The following NDUFAF2 variants were observed in gnomAD, a reference collection of about 807,000 sequenced individuals.
NDUFAF2 encodes NADH dehydrogenase [ubiquinone] 1 alpha subcomplex assembly factor 2.
NDUFAF2 carries 13 observed loss-of-function variants against 22.8 expected under a neutral mutation model. The ratio of observed to expected loss-of-function variants is 0.57; its 90% CI spans 0.37 to 0.91. The LOEUF is 0.91. Ranked by LOEUF, NDUFAF2 falls within the 40% of genes least tolerant of loss-of-function variation. The probability of loss-of-function intolerance (pLI) is 0.01; values close to 1 mark genes in which losing one functional copy is unlikely to be tolerated. For synonymous variants in NDUFAF2, 53 were observed against 64.2 expected, an observed-to-expected ratio of 0.83 and a Z score of 0.84; for missense variants, 162 against 195.2, an observed-to-expected ratio of 0.83 and a Z score of 1.01.
chr5:61,131,689 T>C (rs944203740), intron 3 of NDUFAF2, among the ~76,000 whole-genome samples: 2 of 152,098 alleles, frequency 1.3e-5, no homozygotes, highest in Non-Finnish European at 2.9e-5. Flanking sequence ...ACAAAAAAGA[T>C]GTCTGAAAAA....
chr5:61,072,347 T>C (rs981431984), intron 1 of NDUFAF2, among the ~76,000 whole-genome samples: 4 of 152,328 alleles, frequency 2.6e-5, no homozygotes, highest in South Asian at 4.1e-4. Context: ...CCCTTGGGTT[T>C]GCCAGTGTAT....
intron 1 of NDUFAF2, among the ~76,000 whole-genome samples, chr5:60,994,031 G>A (rs1751195639): frequency 6.6e-6 from 1 of 152,252 alleles, no homozygotes; most frequent in African/African-American, 2.4e-5. Context: ...GCAGGCCAGT[G>A]CTGAGCTGCC....
intron 3 of NDUFAF2, 65 bp downstream of exon 3, chr5:61,099,097 A>G: frequency 1.8e-6 from 2 of 1,108,410 alleles, no homozygotes; most frequent in East Asian, 2.5e-5. Context: ...GAAGCTTCAG[A>G]AAAACTATGA....
chr5:61,146,360 C>T (rs916078765), intron 3 of NDUFAF2: 3 of 152,108 alleles, frequency 2.0e-5, no homozygotes, highest in Non-Finnish European at 4.4e-5. Flanking sequence ...GCAATGAAGT[C>T]CTTCATTCTG....
intron 1 of NDUFAF2, among the ~76,000 whole-genome samples, chr5:61,029,209 A>G (rs1170953893): frequency 6.6e-6 from 1 of 152,148 alleles, no homozygotes; most frequent in African/African-American, 2.4e-5. Flanking sequence ...TAGGCTATAC[A>G]TGTATGGGGG....
At chr5:60,985,179 C>T (rs557464486) in intron 1 of NDUFAF2, among the ~76,000 whole-genome samples, 66 of 152,272 alleles carry the variant, frequency 4.3e-4, no homozygotes, top group African/African-American at 1.5e-3. Flanking sequence ...AGTTTATTTT[C>T]GTAGAGGTGT....
intron 3 of NDUFAF2, among the ~76,000 whole-genome samples, chr5:61,129,554 ACAC>A (rs1753082191): frequency 6.6e-6 from 1 of 151,106 alleles, no homozygotes. Context: ...AAAAAACCAA[ACAC>A]CACATGTTCT....
At chr5:60,994,369 C>T (rs1449099059) in intron 1 of NDUFAF2, among the ~76,000 whole-genome samples, 3 of 152,156 alleles carry the variant, frequency 2.0e-5, no homozygotes, top group African/African-American at 7.2e-5. Context: ...GTGGGAGGCC[C>T]GGGTCCACAG....
Position 60,984,007 on chromosome 5 carries a change from C to T in NDUFAF2, c.127+38625C>T, listed in dbSNP as rs1257093604. ...ACCTTGGGCAGTATGGCCATTTTCACGATACTGATTCTTCCTACCCATGAG... is the reference window on the plus strand; with the variant it reads ...ACCTTGGGCAGTATGGCCATTTTCATGATACTGATTCTTCCTACCCATGAG... On this transcript the variant is annotated intron_variant, in intron 1 of 3. Coordinates refer to ENST00000296597, the MANE Select transcript of NDUFAF2 (RefSeq NM_174889.5). Among the ~76,000 whole-genome samples, 53 of 151,990 alleles carry T rather than the reference C, an allele frequency of 3.5e-4. 1 individual carries two copies. The South Asian group carries it at 8.3e-3, about 24-fold the overall frequency.
At chr5:61,080,532 T>A (rs1253557698) in intron 2 of NDUFAF2, among the ~76,000 whole-genome samples, 1 of 152,244 alleles carries the variant, frequency 6.6e-6, no homozygotes, top group Admixed American at 6.5e-5. Flanking sequence ...GTCAGTTTCA[T>A]TACATTTGAG....
At chr5:60,946,117 C>T (rs1750448933) in intron 1 of NDUFAF2, among the ~76,000 whole-genome samples, 1 of 152,080 alleles carries the variant, frequency 6.6e-6, no homozygotes, top group Admixed American at 6.6e-5. Context: ...AGTAAGGAGG[C>T]GTTGCTGTCC....
intron 1 of NDUFAF2, among the ~76,000 whole-genome samples, chr5:60,945,840 T>A (rs1041283204): frequency 5.3e-5 from 8 of 152,286 alleles, no homozygotes; most frequent in Admixed American, 5.2e-4. Context: ...GTGGTGTAAT[T>A]GAAGAGGAGT....
chr5:61,144,936 G>A (rs1459949212), intron 3 of NDUFAF2, among the ~76,000 whole-genome samples: 1 of 152,118 alleles, frequency 6.6e-6, no homozygotes, highest in African/African-American at 2.4e-5. Context: ...AGCAGTAAGT[G>A]TATATTAAAG....
chr5:61,105,106 A>G (rs1752746776), intron 3 of NDUFAF2, among the ~76,000 whole-genome samples: 1 of 146,864 alleles, frequency 6.8e-6, no homozygotes. Context: ...CATATTTCCT[A>G]TGCCATGACA....
intron 1 of NDUFAF2, among the ~76,000 whole-genome samples, chr5:61,005,853 A>G (rs1293876137): frequency 6.6e-6 from 1 of 152,044 alleles, no homozygotes; most frequent in East Asian, 1.9e-4. Flanking sequence ...GCTTTGTGAG[A>G]TGGGTAGATT....
rs370114110 is a variant in NDUFAF2 at position 60,968,172 on chromosome 5, T to C, written c.127+22790T>C. On this transcript the variant is annotated intron_variant, in intron 1 of 3. Coordinates refer to ENST00000296597, the MANE Select transcript of NDUFAF2 (RefSeq NM_174889.5). ...TTATGATCCTTTGTGTTTCTTTCTG[T>C]AGTATCCGTTGTTGCTTCCCCTTTC... Among the ~76,000 whole-genome samples, 9 of 151,944 alleles carry C rather than the reference T, an allele frequency of 5.9e-5. No individual in the cohort carries two copies. The East Asian group carries it at 1.7e-3, about 29-fold the overall frequency.
chr5:61,035,517 T>C (rs1751789848), intron 1 of NDUFAF2, among the ~76,000 whole-genome samples: 1 of 115,502 alleles, frequency 8.7e-6, no homozygotes, highest in South Asian at 2.9e-4. Flanking sequence ...ATAAAGGAAA[T>C]ATCCAGCAAA....
At chr5:60,946,907 T>G (rs1192104070) in intron 1 of NDUFAF2, among the ~76,000 whole-genome samples, 1 of 152,214 alleles carries the variant, frequency 6.6e-6, no homozygotes, top group African/African-American at 2.4e-5. Context: ...GACTTTTGAG[T>G]CTGGCTTGCT....
chr5:60,976,304 C>CTT (rs35600173), intron 1 of NDUFAF2, among the ~76,000 whole-genome samples: 17 of 148,188 alleles, frequency 1.1e-4, no homozygotes, highest in African/African-American at 2.5e-4. Context: ...AATGTATGTG[C>CTT]TTTTTTTTTT....
Sources: gnomAD v4.1 joint callset for allele counts (sites outside exome capture counted in the v4.1 genomes callset) on GRCh38, gnomAD v4.1.1 for gene constraint, MANE v1.5 for transcripts, NCBI Gene and HGNC (gene_info 2026-07-23, HGNC 2026-07-21) for gene names.